Variants in OCA2 observed in about 807,000 individuals in gnomAD.
OCA2 encodes OCA2 melanosomal transmembrane protein.
Under a neutral mutation model 100.2 loss-of-function variants are expected in OCA2, and 77 were observed. That is an observed-to-expected ratio of 0.77 (90% CI 0.64 to 0.93). OCA2 has a LOEUF of 0.93. OCA2 is among the 40% of genes least tolerant of loss of function. The probability of loss-of-function intolerance (pLI) is 0.00; values close to 1 mark genes in which losing one functional copy is unlikely to be tolerated. For missense variants in OCA2, 1,062 were observed against 1,089.1 expected (o/e 0.98, Z 0.35); for synonymous variants, 432 against 439.2 (o/e 0.98, Z 0.21).
chr15:27,738,036 G>A, the OCA2 span, among the ~76,000 whole-genome samples: 1 of 152,158 alleles, frequency 6.6e-6, no homozygotes, highest in Non-Finnish European at 1.5e-5. Flanking sequence ...TGAGGACAGG[G>A]AGCACATGGA....
chr15:28,023,558 T>C (rs1166115625), intron 5 of OCA2, among the ~76,000 whole-genome samples: 2 of 150,328 alleles, frequency 1.3e-5, no homozygotes, highest in East Asian at 4.0e-4. Context: ...GCAGGCTGCG[T>C]GGGAGAGCAC....
intron 21 of OCA2, among the ~76,000 whole-genome samples, chr15:27,858,758 G>A (rs2036030351): frequency 6.6e-6 from 1 of 152,058 alleles, no homozygotes; most frequent in African/African-American, 2.4e-5. Flanking sequence ...TATAAAATTT[G>A]GAGACATAAA....
In OCA2 at chr15:27,755,174, C is replaced by A; in HGVS notation, c.*214G>T. On this transcript the variant is annotated 3_prime_UTR_variant, in exon 24 of 24. Transcript: ENST00000354638. ...TATCTCACATCTTTCTACATTTTGT[C>A]CTTGGGGAGAAAGGACACACAGAGG... The A allele has an allele frequency of 1.9e-6, 1 of 538,170 alleles. No homozygotes were observed. The highest frequency in any genetic ancestry group is 3.4e-6 in the Non-Finnish European group (1 of 293,772). 33.3% of individuals were successfully genotyped at this position (538,170 alleles called of 1,614,324 possible).
At chr15:27,752,803 C>A (rs1427609392), downstream of OCA2, among the ~76,000 whole-genome samples, 1 of 5,554 alleles carries the variant, frequency 1.8e-4, no homozygotes, top group Non-Finnish European at 4.6e-4. Context: ...GTCCCCCACC[C>A]CCCCCCCCCC....
intron 23 of OCA2, among the ~76,000 whole-genome samples, chr15:27,800,633 C>T (rs555329155): frequency 6.6e-6 from 1 of 152,016 alleles, no homozygotes; most frequent in South Asian, 2.1e-4. Context: ...AAAGTTCACC[C>T]AAGAATAAAG....
intron 5 of OCA2, among the ~76,000 whole-genome samples, chr15:28,023,130 C>T (rs1377348997): frequency 2.6e-5 from 4 of 152,124 alleles, no homozygotes; most frequent in South Asian, 2.1e-4. Flanking sequence ...CCACCCTGCC[C>T]GGTTCCTTTG....
At chr15:27,848,527 G>C (rs2035619134) in intron 22 of OCA2, among the ~76,000 whole-genome samples, 1 of 152,114 alleles carries the variant, frequency 6.6e-6, no homozygotes, top group Non-Finnish European at 1.5e-5. Context: ...AGGGGGGTCG[G>C]GCCTGCACAT....
Position 27,834,142 on chromosome 15 carries a change from C to T in OCA2, c.2432+10817G>A, listed in dbSNP as rs80058262. On this transcript the variant is annotated intron_variant, in intron 23 of 23. Transcript: ENST00000354638. Reference sequence around the variant, plus strand: ...AGTTAAAACTGACAGCTCCACCATCCGTCCCCACACCAATCCTCAGGGAGA... The same window carrying T: ...AGTTAAAACTGACAGCTCCACCATCTGTCCCCACACCAATCCTCAGGGAGA... Among the ~76,000 whole-genome samples the T allele has an allele frequency of 3.5e-3, 537 of 152,272 alleles. 2 individuals are homozygous for T. Among genetic ancestry groups the T allele is most frequent in the African/African-American group, 0.012 (510 of 41,560 alleles).
At chr15:27,860,664 T>C (rs1264980894) in intron 21 of OCA2, among the ~76,000 whole-genome samples, 1 of 152,214 alleles carries the variant, frequency 6.6e-6, no homozygotes, top group African/African-American at 2.4e-5. Context: ...TATTCCACAG[T>C]GTTTATGTAC....
chr15:27,987,715 G>A lies in OCA2; in HGVS notation c.1183-1072C>T, dbSNP rs549127134. Among the ~76,000 whole-genome samples, 11 of 151,974 alleles carry A rather than the reference G, an allele frequency of 7.2e-5. No individual in the cohort carries two copies. In the South Asian group the frequency reaches 1.0e-3, roughly 14 times the overall value. ...CTGCACTCCAGCCTGGAGACAGAGC[G>A]AGACTCTGTCTCAAAAAAAAAAGTC... On this transcript the variant is annotated intron_variant, in intron 11 of 23. Transcript: ENST00000354638.
chr15:27,781,510 A>G (rs1383143793), intron 23 of OCA2, among the ~76,000 whole-genome samples: 5 of 152,144 alleles, frequency 3.3e-5, no homozygotes, highest in Admixed American at 3.3e-4. Flanking sequence ...CCAGCACCTT[A>G]CCATTGATTA....
At chr15:28,026,550 G>A (rs1484069669) in intron 4 of OCA2, among the ~76,000 whole-genome samples, 1 of 152,224 alleles carries the variant, frequency 6.6e-6, no homozygotes, top group Non-Finnish European at 1.5e-5. Flanking sequence ...ACAGTGGGAA[G>A]AGACAGCTCC....
chr15:27,730,311 G>A, the OCA2 span, among the ~76,000 whole-genome samples: 1 of 152,148 alleles, frequency 6.6e-6, no homozygotes, highest in South Asian at 2.1e-4. Flanking sequence ...GGGGTGCACC[G>A]AGCTTCCCTG....
chr15:27,753,699 T>C (rs2030156957), downstream of OCA2, among the ~76,000 whole-genome samples: 1 of 151,200 alleles, frequency 6.6e-6, no homozygotes. Context: ...ATCGCACCAC[T>C]ACACTCCAGC....
intron 22 of OCA2, among the ~76,000 whole-genome samples, chr15:27,849,348 C>A (rs60720253): frequency 0.11 from 17,236 of 152,200 alleles, 2,331 homozygotes; most frequent in African/African-American, 0.32. Context: ...ACTCTCCACG[C>A]TCACTTCACT....
At chr15:28,023,885 A>G (rs1190722051) in intron 5 of OCA2, among the ~76,000 whole-genome samples, 1 of 151,792 alleles carries the variant, frequency 6.6e-6, no homozygotes, top group Non-Finnish European at 1.5e-5. Context: ...ACAGACATAG[A>G]GCAGGCACAG....
chr15:27,910,955 AAAAAAAAAGAAAGAAAG>A (rs1464926536), intron 19 of OCA2, among the ~76,000 whole-genome samples: 1 of 150,732 alleles, frequency 6.6e-6, no homozygotes, highest in African/African-American at 2.4e-5. Context: ...GACTCCATCT[AAAAAAAAAGAAAGAAAG>A]AAAAAAAAGA....
chr15:27,818,197 C>G (rs1362537998), intron 23 of OCA2, among the ~76,000 whole-genome samples: 1 of 152,026 alleles, frequency 6.6e-6, no homozygotes, highest in African/African-American at 2.4e-5. Flanking sequence ...TGAGATCAGC[C>G]CGGCTAACAT....
intron 19 of OCA2, among the ~76,000 whole-genome samples, chr15:27,915,076 C>A (rs1390304566): frequency 6.6e-6 from 1 of 152,088 alleles, no homozygotes; most frequent in Non-Finnish European, 1.5e-5. Context: ...ACTATCAGAT[C>A]TTTGACAAAA....
Sources: allele counts gnomAD v4.1 joint callset (sites outside exome capture counted in the v4.1 genomes callset), GRCh38; gene constraint gnomAD v4.1.1; transcripts MANE v1.5; gene names NCBI Gene and HGNC (gene_info 2026-07-23, HGNC 2026-07-21).